Variants in MYT1L observed in about 807,000 individuals in gnomAD.
MYT1L encodes myelin transcription factor 1 like, also known as myelin transcription factor 1-like protein.
In MYT1L, 12 loss-of-function variants were observed where a neutral mutation model predicts 126.7. The observed-to-expected ratio is 0.09, with a 90% CI of 0.06 to 0.15. MYT1L has a LOEUF of 0.15. Ranked by LOEUF, MYT1L falls within the 10% of genes least tolerant of loss-of-function variation. The probability of loss-of-function intolerance (pLI) is 1.00; values close to 1 mark genes in which losing one functional copy is unlikely to be tolerated. For synonymous variants in MYT1L, 541 were observed against 604.2 expected, an observed-to-expected ratio of 0.90 and a Z score of 1.53; for missense variants, 979 against 1,585.2, an observed-to-expected ratio of 0.62 and a Z score of 6.49.
intron 18 of MYT1L, among the ~76,000 whole-genome samples, chr2:1,871,662 C>G (rs529472821): frequency 6.6e-6 from 1 of 152,330 alleles, no homozygotes; most frequent in Non-Finnish European, 1.5e-5. Flanking sequence ...CCCGGCCCAG[C>G]TGCTCCCCAG....
At position 1,911,740 on chromosome 2, in the gene MYT1L, C is replaced by T. The variant is rs7584755; in HGVS notation, c.1709+280G>A. Among the ~76,000 whole-genome samples the T allele has an allele frequency of 0.037, 5,649 of 152,242 alleles. 106 individuals carry two copies. Among genetic ancestry groups the T allele is most frequent in the South Asian group, 0.049 (238 of 4,816 alleles). ...GCCCTGTCTTCACCTCGGAGGACAG[C>T]GAAGGCTTGGTCTCCTTCCTTCCAG... is the stretch of plus-strand genomic sequence containing the variant. On this transcript the variant is annotated intron_variant, in intron 12 of 24. Coordinates refer to ENST00000647738, the MANE Select transcript of MYT1L (RefSeq NM_001303052.2).
chr2:1,861,843 G>A (rs1572958434), intron 18 of MYT1L, among the ~76,000 whole-genome samples: 10 of 152,268 alleles, frequency 6.6e-5, no homozygotes, highest in East Asian at 1.9e-4. Context: ...GGATCCGCCT[G>A]CAGCCTGTGT....
chr2:2,237,748 A>G (rs1344778681), intron 2 of MYT1L, among the ~76,000 whole-genome samples: 1 of 152,166 alleles, frequency 6.6e-6, no homozygotes, highest in Non-Finnish European at 1.5e-5. Context: ...GGGGCCAGGC[A>G]GCTTAAGTCA....
intron 8 of MYT1L, among the ~76,000 whole-genome samples, chr2:1,976,510 C>T (rs1349386829): frequency 3.3e-5 from 5 of 152,186 alleles, no homozygotes; most frequent in South Asian, 2.1e-4. Context: ...GGTGTGGTGG[C>T]GGGTGCCTGT....
At chr2:2,099,068 A>T (rs937453406) in intron 3 of MYT1L, among the ~76,000 whole-genome samples, 1 of 152,214 alleles carries the variant, frequency 6.6e-6, no homozygotes. Context: ...GGAGGTGGAA[A>T]CAGAGACAAA....
At chr2:2,215,930 G>A (rs1468949345) in intron 2 of MYT1L, among the ~76,000 whole-genome samples, 2 of 152,094 alleles carry the variant, frequency 1.3e-5, no homozygotes, top group African/African-American at 4.8e-5. Flanking sequence ...TCATGGCACG[G>A]TACTGTCTTC....
At chr2:2,261,021 A>G (rs1363691380) in intron 2 of MYT1L, among the ~76,000 whole-genome samples, 1 of 152,180 alleles carries the variant, frequency 6.6e-6, no homozygotes, top group Non-Finnish European at 1.5e-5. Flanking sequence ...TCAGAGATTG[A>G]GCACCAACAA....
chr2:1,814,598 T>C (rs1238342924), intron 21 of MYT1L, among the ~76,000 whole-genome samples: 2 of 152,144 alleles, frequency 1.3e-5, no homozygotes, highest in Non-Finnish European at 2.9e-5. Flanking sequence ...GGATTCGGCT[T>C]TTGCAGAAAC....
intron 18 of MYT1L, among the ~76,000 whole-genome samples, chr2:1,861,540 G>A (rs1315747171): frequency 6.6e-6 from 1 of 151,424 alleles, no homozygotes; most frequent in African/African-American, 2.4e-5. Context: ...TCTCTCATAG[G>A]GAAAAGATTT....
intron 3 of MYT1L, among the ~76,000 whole-genome samples, chr2:2,138,071 CA>C (rs1168673011): frequency 6.6e-6 from 1 of 152,038 alleles, no homozygotes; most frequent in African/African-American, 2.4e-5. Flanking sequence ...TTTATGCAGC[CA>C]AAAAACACAT....
At chr2:2,157,747 C>T (rs2086964572) in intron 3 of MYT1L, among the ~76,000 whole-genome samples, 1 of 152,162 alleles carries the variant, frequency 6.6e-6, no homozygotes, top group African/African-American at 2.4e-5. Flanking sequence ...TTGCTTTGCT[C>T]TCATTTAATT....
intron 18 of MYT1L, among the ~76,000 whole-genome samples, chr2:1,864,576 T>TCC (rs138821581): frequency 0.011 from 1,606 of 152,276 alleles, 30 homozygotes; most frequent in African/African-American, 0.037. Context: ...CAGGCTGAGC[T>TCC]CCCGCTTTGC....
chr2:2,188,415 C>A (rs749258397), intron 2 of MYT1L, among the ~76,000 whole-genome samples: 26 of 152,220 alleles, frequency 1.7e-4, no homozygotes, highest in Non-Finnish European at 3.4e-4. Context: ...TTGATGGATG[C>A]ACGAACTTAC....
intron 18 of MYT1L, among the ~76,000 whole-genome samples, chr2:1,876,357 C>T (rs557440959): frequency 1.8e-4 from 28 of 152,194 alleles, no homozygotes; most frequent in African/African-American, 6.0e-4. Flanking sequence ...GATGCGTCCA[C>T]GCGTGGCCTT....
chr2:2,279,830 T>C (rs944908942), intron 2 of MYT1L, among the ~76,000 whole-genome samples: 3 of 152,210 alleles, frequency 2.0e-5, no homozygotes, highest in African/African-American at 7.2e-5. Flanking sequence ...TTTCACTAGC[T>C]TCTTCTAATC....
intron 3 of MYT1L, among the ~76,000 whole-genome samples, chr2:2,112,009 G>A (rs557105387): frequency 8.5e-5 from 13 of 152,324 alleles, no homozygotes; most frequent in African/African-American, 3.1e-4. Flanking sequence ...GCAAACTTGG[G>A]ACCACTATTT....
Position 1,923,240 on chromosome 2 carries a change from T to C in MYT1L, c.529A>G (p.Asn177Asp), listed in dbSNP as rs370835373. Residue 177 changes from asparagine to aspartate, a missense_variant, in exon 10 of 25, where the codon AAT becomes GAT. Around this residue, in one of 12 missense-constraint regions of MYT1L, gnomAD observed 243 missense variants for 363.9 expected, o/e 0.67. Transcript: ENST00000647738. ...TCTGTGTCTTGCATTATTCGAGTAT[T>C]GTGACAATTCATTTGATGGTCTTCT... is the stretch of plus-strand genomic sequence containing the variant. ...ENEDHQMNCHNTRIMQDTEKD... is the reference protein window; with the variant it reads ...ENEDHQMNCHDTRIMQDTEKD... The C allele has an allele frequency of 5.4e-5, 87 of 1,596,472 alleles. No individual in the cohort carries two copies. The highest frequency in any genetic ancestry group is 6.8e-5 in the Non-Finnish European group (80 of 1,169,246).
chr2:2,284,709 A>C (rs913241438), intron 1 of MYT1L, among the ~76,000 whole-genome samples: 10 of 151,774 alleles, frequency 6.6e-5, no homozygotes, highest in Non-Finnish European at 1.5e-4. Context: ...CAAAATTGTA[A>C]TTTTTTGTTT....
chr2:1,869,691 C>G (rs888747224), intron 18 of MYT1L, among the ~76,000 whole-genome samples: 6 of 152,186 alleles, frequency 3.9e-5, no homozygotes, highest in African/African-American at 1.4e-4. Context: ...CAGTATCAGG[C>G]ACTTACAGGC....
Sources: gnomAD v4.1 joint callset for allele counts (sites outside exome capture counted in the v4.1 genomes callset) on GRCh38, gnomAD v4.1.1 for gene constraint, gnomAD v4.1.1 regional missense constraint, MANE v1.5 for transcripts, NCBI Gene and HGNC (gene_info 2026-07-23, HGNC 2026-07-21) for gene names.